RIPOR2: variants seen among roughly 807,000 people sequenced by gnomAD.
RIPOR2 encodes rho family-interacting cell polarization regulator 2.
RIPOR2 carries 39 observed loss-of-function variants against 114.5 expected under a neutral mutation model. That is an observed-to-expected ratio of 0.34 (90% CI 0.26 to 0.44). RIPOR2 has a LOEUF of 0.44. RIPOR2 is among the 20% of genes least tolerant of loss of function. The pLI is 1.00. For missense variants in RIPOR2, 1,007 were observed against 1,255.1 expected (o/e 0.80, Z 2.99); for synonymous variants, 445 against 484.4 (o/e 0.92, Z 1.07).
chr6:24,849,426 G>A (rs1762636519), intron 11 of RIPOR2, among the ~76,000 whole-genome samples: 1 of 152,116 alleles, frequency 6.6e-6, no homozygotes, highest in Non-Finnish European at 1.5e-5. Context: ...ATTTTTCTGA[G>A]GTCAAAGTAC....
At chr6:24,939,310 A>C (rs1235748873), upstream of RIPOR2, among the ~76,000 whole-genome samples, 1 of 152,218 alleles carries the variant, frequency 6.6e-6, no homozygotes, top group Non-Finnish European at 1.5e-5. Context: ...TAAACTGTGA[A>C]GAAGTGACTA....
intron 1 of RIPOR2, among the ~76,000 whole-genome samples, chr6:24,935,270 T>C (rs1302705028): frequency 7.4e-6 from 1 of 134,764 alleles, no homozygotes; most frequent in Admixed American, 8.3e-5. Flanking sequence ...ATTGCACCAC[T>C]GCACTCCAGC....
chr6:24,840,851 T>C, intron 13 of RIPOR2: 2 of 1,402,750 alleles, frequency 1.4e-6, no homozygotes, highest in Non-Finnish European at 1.9e-6. Flanking sequence ...TACAAAGCCA[T>C]TTGCCCCAGA....
chr6:24,877,364 G>A lies in RIPOR2; in HGVS notation c.62-1547C>T. 5.1e-6 allele frequency: 5 copies of A among 985,358 alleles called. 1 individual carries two copies. The South Asian group carries it at 1.9e-4, about 37-fold the overall frequency. 61.0% of individuals were successfully genotyped at this position (985,358 alleles called of 1,614,324 possible). On this transcript the variant is annotated intron_variant, in intron 1 of 21. Transcript: ENST00000643898. ...TTGTATGCATTCTTGCGAGGTACAG[G>A]TGCTGACTCACTTGGCTACAGGTAT...
chr6:25,027,638 G>C (rs57747209), intron 1 of RIPOR2, among the ~76,000 whole-genome samples: 7 of 152,222 alleles, frequency 4.6e-5, no homozygotes, highest in Admixed American at 4.6e-4. Context: ...ACAGCCTTGG[G>C]CGCCCCCAGT....
chr6:24,847,722 A>T lies in RIPOR2; in HGVS notation c.1164+303T>A, dbSNP rs538612448. ...GAAGTGAAAGCAAGATGGGGGAGTT[A>T]GTGGGAAGAATCAGGTTACTACATT... is the stretch of plus-strand genomic sequence containing the variant. On this transcript the variant is annotated intron_variant, in intron 12 of 21. Coordinates refer to ENST00000643898, the MANE Select transcript of RIPOR2 (RefSeq NM_001286445.3). 1.8e-5 allele frequency: 28 copies of T among 1,535,670 alleles called. 1 individual carries two copies. In the Admixed American group the frequency reaches 5.6e-4, roughly 31 times the overall value.
rs887501615 is a variant in RIPOR2 at position 24,832,374 on chromosome 6, G to T, written c.2226C>A (p.Ser742Arg). The T allele has an allele frequency of 4.5e-6, 7 of 1,551,890 alleles. No individual in the cohort carries two copies. In the Admixed American group the frequency reaches 9.8e-5, roughly 22 times the overall value. ...GACTTCTTGCCACAAATGGGGTTTT[G>T]CTTGAGAAAACAATTTGCTGGTAAA... ...TQLVQQIVFS[S>R]KTPFVARSLL... The change falls in exon 16 of 22, where the codon AGC (serine) becomes AGA (arginine). Residue 742 changes from serine to arginine, a missense_variant. Transcript: ENST00000643898.
In RIPOR2 at chr6:24,834,507, C is replaced by A. The variant is rs575175316; in HGVS notation, c.2208+1196G>T. ...TTTTCTTTTTTTAATGAGGCCTTGGCCTCCCAAAGTGCTGGGTTTGAAAAT... is the reference window on the plus strand; with the variant it reads ...TTTTCTTTTTTTAATGAGGCCTTGGACTCCCAAAGTGCTGGGTTTGAAAAT... On this transcript the variant is annotated intron_variant, in intron 15 of 21. Coordinates refer to ENST00000643898, the MANE Select transcript of RIPOR2 (RefSeq NM_001286445.3). Among the ~76,000 whole-genome samples, 189 of 152,192 alleles carry A rather than the reference C, an allele frequency of 1.2e-3. 1 individual carries two copies. Among genetic ancestry groups the A allele is most frequent in the African/African-American group, 4.2e-3 (176 of 41,530 alleles).
chr6:24,897,198 C>T (rs1371542665), intron 1 of RIPOR2, among the ~76,000 whole-genome samples: 2 of 152,214 alleles, frequency 1.3e-5, no homozygotes, highest in South Asian at 4.1e-4. Flanking sequence ...AGAATGTGAA[C>T]TAGGCAATGT....
chr6:25,024,157 C>A, intron 1 of RIPOR2: 1 of 1,173,784 alleles, frequency 8.5e-7, no homozygotes, highest in South Asian at 1.2e-5. Flanking sequence ...GACACCCCCT[C>A]CTGCTGGGCG....
intron 1 of RIPOR2, among the ~76,000 whole-genome samples, chr6:24,916,356 C>T (rs1770079399): frequency 6.6e-6 from 1 of 152,240 alleles, no homozygotes; most frequent in Non-Finnish European, 1.5e-5. Flanking sequence ...CTCAATCACA[C>T]ATCTTCCATT....
Position 24,843,244 on chromosome 6 carries a change from G to C in RIPOR2, c.1475C>G (p.Ser492Trp), listed in dbSNP as rs376099487. ...TCGGCGGCAAGCCTCAGATGGGGCC[G>C]AGGCAGGTTTTCTGGGCTCCTCTGG... ...EDPEEPRKPA[S>W]APSEACRRQS... The change falls in exon 13 of 22, where the codon TCG becomes TGG. Residue 492 changes from serine (S) to tryptophan (W), a missense_variant. Physicochemically the swap from Ser to Trp is radical, Grantham distance 177. Transcript: ENST00000643898. 9 of 1,613,882 alleles carry C rather than the reference G, an allele frequency of 5.6e-6. No individual in the cohort carries two copies. In the African/African-American group the frequency reaches 9.3e-5, roughly 17 times the overall value.
chr6:24,903,316 CTATT>C (rs1481353480), intron 1 of RIPOR2, among the ~76,000 whole-genome samples: 1 of 152,116 alleles, frequency 6.6e-6, no homozygotes, highest in African/African-American at 2.4e-5. Flanking sequence ...ATCACATTCT[CTATT>C]GATTGAGAAA....
intron 1 of RIPOR2, chr6:25,015,968 A>C (rs1775971990): frequency 7.7e-6 from 1 of 129,932 alleles, no homozygotes; most frequent in Admixed American, 9.7e-5. Flanking sequence ...CAATGGCATG[A>C]TCTCGGCTCA....
intron 1 of RIPOR2, among the ~76,000 whole-genome samples, chr6:25,012,092 C>G (rs912489362): frequency 6.6e-6 from 1 of 152,010 alleles, no homozygotes; most frequent in African/African-American, 2.4e-5. Context: ...GACATTTCTC[C>G]AAAGGAGATA....
chr6:24,954,728 G>A lies in RIPOR2; in HGVS notation c.77-78911C>T, dbSNP rs1772950781. ...CTCCCAAAATGCTGAGATGACAGGT[G>A]TGAACCACTGCACTCAGCCTTAGGC... On this transcript the variant is annotated intron_variant, in intron 1 of 13. Transcript: ENST00000510784. Among the ~76,000 whole-genome samples, 4 of 152,086 alleles carry A rather than the reference G, an allele frequency of 2.6e-5. No homozygotes were observed. In the South Asian group the frequency reaches 8.3e-4, roughly 31 times the overall value.
intron 1 of RIPOR2, among the ~76,000 whole-genome samples, chr6:24,947,120 TA>T (rs1772461257): frequency 6.6e-6 from 1 of 152,182 alleles, no homozygotes; most frequent in Non-Finnish European, 1.5e-5. Context: ...TCTGTTTTTT[TA>T]AAGATTCCGT....
At chr6:25,005,710 T>G (rs1373834810) in intron 1 of RIPOR2, among the ~76,000 whole-genome samples, 3 of 68,590 alleles carry the variant, frequency 4.4e-5, no homozygotes, top group East Asian at 4.1e-4. Context: ...TATATATATA[T>G]ATATATATAT....
At chr6:24,934,851 A>G (rs897808331) in intron 1 of RIPOR2, among the ~76,000 whole-genome samples, 1 of 152,178 alleles carries the variant, frequency 6.6e-6, no homozygotes, top group Non-Finnish European at 1.5e-5. Flanking sequence ...ATTCCAGTGG[A>G]TAGGTCAAGT....
Sources: gnomAD v4.1 joint callset for allele counts (sites outside exome capture counted in the v4.1 genomes callset) on GRCh38, gnomAD v4.1.1 for gene constraint, MANE v1.5 for transcripts, NCBI Gene and HGNC (gene_info 2026-07-23, HGNC 2026-07-21) for gene names.